ATRNL1: variants seen among roughly 807,000 people sequenced by gnomAD.
ATRNL1 encodes attractin like 1, also known as attractin-like protein 1.
ATRNL1 carries 95 observed loss-of-function variants against 182.7 expected under a neutral mutation model. The observed-to-expected ratio is 0.52, with a 90% CI of 0.44 to 0.62. ATRNL1 has a LOEUF of 0.62. Among genes scored for constraint, ATRNL1 ranks in the 20% least tolerant of loss-of-function variants. The pLI is 0.00. For synonymous variants in ATRNL1, 576 were observed against 568.3 expected, an observed-to-expected ratio of 1.01 and a Z score of -0.19; for missense variants, 1,471 against 1,679.5, an observed-to-expected ratio of 0.88 and a Z score of 2.17.
intron 5 of ATRNL1, among the ~76,000 whole-genome samples, chr10:115,144,861 G>C (rs527359193): frequency 6.6e-6 from 1 of 152,024 alleles, no homozygotes; most frequent in East Asian, 1.9e-4. Context: ...TTTTGTAATA[G>C]TTTGATTTAG....
chr10:115,165,111 T>TA (rs1303257548), intron 6 of ATRNL1, among the ~76,000 whole-genome samples: 1 of 151,326 alleles, frequency 6.6e-6, no homozygotes. Context: ...TAAATATCAA[T>TA]AAAAAACTTA....
chr10:115,172,590 A>G (rs1847336750), intron 8 of ATRNL1, among the ~76,000 whole-genome samples: 1 of 151,834 alleles, frequency 6.6e-6, no homozygotes, highest in African/African-American at 2.4e-5. Context: ...ATGAGTCCAT[A>G]ATTTCCATAT....
At chr10:115,645,721 T>C (rs1450137501) in intron 26 of ATRNL1, among the ~76,000 whole-genome samples, 1 of 152,120 alleles carries the variant, frequency 6.6e-6, no homozygotes, top group South Asian at 2.1e-4. Flanking sequence ...GAATGTTTAC[T>C]AGTTTTACTT....
intron 27 of ATRNL1, among the ~76,000 whole-genome samples, chr10:115,806,466 G>A (rs1342024934): frequency 6.6e-6 from 1 of 152,058 alleles, no homozygotes; most frequent in Non-Finnish European, 1.5e-5. Flanking sequence ...AGAGGGGGTG[G>A]CCGGCAAGAA....
At chr10:115,104,008 G>A (rs1402389499) in intron 1 of ATRNL1, among the ~76,000 whole-genome samples, 3 of 152,168 alleles carry the variant, frequency 2.0e-5, no homozygotes, top group East Asian at 1.9e-4. Context: ...AAACATTGAA[G>A]TACAGCTGTC....
intron 25 of ATRNL1, among the ~76,000 whole-genome samples, chr10:115,541,770 G>A (rs373396284): frequency 2.0e-5 from 3 of 152,088 alleles, no homozygotes; most frequent in East Asian, 3.9e-4. Context: ...AAAAAATTTA[G>A]CAATAGACAA....
chr10:115,359,274 T>C (rs1469505140), intron 19 of ATRNL1, among the ~76,000 whole-genome samples: 1 of 151,686 alleles, frequency 6.6e-6, no homozygotes, highest in East Asian at 1.9e-4. Context: ...TGCTCACTAT[T>C]AGGTAGTACT....
intron 7 of ATRNL1, among the ~76,000 whole-genome samples, chr10:115,170,746 C>G (rs1456782173): frequency 1.3e-5 from 2 of 152,004 alleles, no homozygotes; most frequent in Non-Finnish European, 2.9e-5. Context: ...TTAGTGTTCT[C>G]TTACTGTATG....
intron 1 of ATRNL1, among the ~76,000 whole-genome samples, chr10:115,103,822 T>C (rs1301791644): frequency 5.3e-5 from 8 of 152,230 alleles, no homozygotes; most frequent in African/African-American, 1.9e-4. Context: ...GCTTATTTCA[T>C]GTAATGTAAT....
At chr10:115,621,272 T>TAGAGAGAGAG (rs1167604359) in intron 26 of ATRNL1, among the ~76,000 whole-genome samples, 13 of 48,448 alleles carry the variant, frequency 2.7e-4, no homozygotes, top group South Asian at 1.8e-3. Flanking sequence ...TATATATATA[T>TAGAGAGAGAG]ATATAGAGAG....
chr10:115,611,875 A>G (rs1857176018), intron 26 of ATRNL1, among the ~76,000 whole-genome samples: 1 of 152,190 alleles, frequency 6.6e-6, no homozygotes, highest in Non-Finnish European at 1.5e-5. Flanking sequence ...AAATTTATTA[A>G]TAGCATCAAA....
chr10:115,860,826 CTAGAAA>C (rs1402500390), intron 28 of ATRNL1, among the ~76,000 whole-genome samples: 1 of 152,188 alleles, frequency 6.6e-6, no homozygotes, highest in Non-Finnish European at 1.5e-5. Flanking sequence ...TCTCATCTCT[CTAGAAA>C]TAGAGAACAG....
intron 26 of ATRNL1, among the ~76,000 whole-genome samples, chr10:115,558,793 A>G (rs1554998101): frequency 6.6e-6 from 1 of 152,040 alleles, no homozygotes; most frequent in East Asian, 1.9e-4. Context: ...CCTCAAACTT[A>G]TTTAAGAAAA....
intron 24 of ATRNL1, among the ~76,000 whole-genome samples, chr10:115,479,816 C>T (rs1423381842): frequency 2.6e-5 from 4 of 151,156 alleles, no homozygotes; most frequent in African/African-American, 4.8e-5. Flanking sequence ...ACTACTGTAG[C>T]GGTAGTGCTA....
chr10:115,715,064 G>T (rs192746086), intron 26 of ATRNL1, among the ~76,000 whole-genome samples: 1 of 152,296 alleles, frequency 6.6e-6, no homozygotes, highest in East Asian at 1.9e-4. Flanking sequence ...AATGAGCCAA[G>T]AAATCTGTCT....
intron 26 of ATRNL1, among the ~76,000 whole-genome samples, chr10:115,623,341 C>G (rs1857895804): frequency 1.3e-5 from 2 of 152,114 alleles, no homozygotes; most frequent in East Asian, 1.9e-4. Context: ...AAAAATTGAA[C>G]CTGAAATGCC....
intron 28 of ATRNL1, among the ~76,000 whole-genome samples, chr10:115,940,534 A>G (rs1953695180): frequency 6.6e-6 from 1 of 152,324 alleles, no homozygotes; most frequent in East Asian, 1.9e-4. Flanking sequence ...TTACCAGAAT[A>G]TAACTGCTAC....
intron 28 of ATRNL1, among the ~76,000 whole-genome samples, chr10:115,941,413 A>C (rs1271802344): frequency 6.6e-6 from 1 of 152,190 alleles, no homozygotes; most frequent in Non-Finnish European, 1.5e-5. Context: ...GTTTTGGATT[A>C]GCGTAGAATT....
At chr10:115,519,987 G>A (rs1395578258) in intron 25 of ATRNL1, among the ~76,000 whole-genome samples, 3 of 152,130 alleles carry the variant, frequency 2.0e-5, no homozygotes, top group Admixed American at 1.3e-4. Flanking sequence ...TAAAATATCT[G>A]TGTTATGAGA....
Sources: gnomAD v4.1 joint callset for allele counts (sites outside exome capture counted in the v4.1 genomes callset) on GRCh38, gnomAD v4.1.1 for gene constraint, MANE v1.5 for transcripts, NCBI Gene and HGNC (gene_info 2026-07-23, HGNC 2026-07-21) for gene names.